Variants in CNTNAP2 observed in about 807,000 individuals in gnomAD.
CNTNAP2 encodes the protein contactin associated protein 2.
In CNTNAP2, 98 loss-of-function variants were observed where a neutral mutation model predicts 155.2. That is an observed-to-expected ratio of 0.63 (90% confidence interval 0.54 to 0.75). The LOEUF is 0.75. Among genes scored for constraint, CNTNAP2 ranks in the 30% least tolerant of loss-of-function variants. The pLI is 0.00. For synonymous variants in CNTNAP2, 651 were observed against 631.2 expected (o/e 1.03, Z -0.47); for missense variants, 1,727 against 1,688.1 (o/e 1.02, Z -0.40).
At position 147,989,684 on chromosome 7, in the gene CNTNAP2, C is replaced by T. The variant is rs1051194042; in HGVS notation, c.2383+11695C>T. ...TAATTTGGAGGTGCTGGCCACAATA[C>T]CTGATTAGAGCTCAACTGCATTTTC... On this transcript the variant is annotated intron_variant, in intron 15 of 23. Coordinates refer to ENST00000361727, the MANE Select transcript of CNTNAP2 (RefSeq NM_014141.6). Among the ~76,000 whole-genome samples, 3 of 152,180 alleles carry T rather than the reference C, an allele frequency of 2.0e-5. No homozygotes were observed. In the South Asian group the frequency reaches 6.2e-4, roughly 31 times the overall value.
At chr7:148,216,333 A>C (rs576681100) in intron 18 of CNTNAP2, among the ~76,000 whole-genome samples, 4 of 152,364 alleles carry the variant, frequency 2.6e-5, no homozygotes, top group Non-Finnish European at 5.9e-5. Context: ...TTCATAGATG[A>C]AATACCAAGG....
At chr7:146,706,934 A>G (rs896340935) in intron 1 of CNTNAP2, among the ~76,000 whole-genome samples, 1 of 150,586 alleles carries the variant, frequency 6.6e-6, no homozygotes, top group Non-Finnish European at 1.5e-5. Flanking sequence ...AAAAAAAAAA[A>G]GATTCAAAGG....
intron 21 of CNTNAP2, among the ~76,000 whole-genome samples, chr7:148,330,354 G>C (rs1797967332): frequency 1.3e-5 from 2 of 150,950 alleles, no homozygotes; most frequent in South Asian, 4.2e-4. Context: ...GGATGGAGTG[G>C]ACAGATGGAA....
chr7:148,029,702 A>G (rs1302019770), intron 15 of CNTNAP2, among the ~76,000 whole-genome samples: 5 of 152,214 alleles, frequency 3.3e-5, no homozygotes, highest in African/African-American at 1.2e-4. Context: ...ACTCGATGGT[A>G]GTCTCAGAGA....
At chr7:148,207,409 G>T (rs1795469482) in intron 18 of CNTNAP2, among the ~76,000 whole-genome samples, 1 of 152,216 alleles carries the variant, frequency 6.6e-6, no homozygotes, top group Admixed American at 6.5e-5. Context: ...GACGATGAAG[G>T]GGACCAAGAG....
chr7:147,017,062 A>T (rs967796226), intron 3 of CNTNAP2, among the ~76,000 whole-genome samples: 5 of 151,262 alleles, frequency 3.3e-5, no homozygotes, highest in Non-Finnish European at 7.4e-5. Flanking sequence ...AATGTAAAGG[A>T]TTTCCTGACT....
At chr7:148,096,020 G>A (rs186234062) in intron 15 of CNTNAP2, among the ~76,000 whole-genome samples, 4 of 152,156 alleles carry the variant, frequency 2.6e-5, no homozygotes, top group East Asian at 1.9e-4. Flanking sequence ...TTCACAGGGC[G>A]CAGAGAGTTG....
rs1220357902 is a variant in CNTNAP2 at position 147,024,377 on chromosome 7, G to C, written c.403-19530G>C. Reference sequence around the variant, plus strand: ...AAATCAGAATAAAATCTGTAGTTTAGTTAATTTTATTGTGACAATGCCAAT... The same window carrying C: ...AAATCAGAATAAAATCTGTAGTTTACTTAATTTTATTGTGACAATGCCAAT... On this transcript the variant is annotated intron_variant, in intron 3 of 23. Coordinates refer to ENST00000361727, the MANE Select transcript of CNTNAP2 (RefSeq NM_014141.6). 2.6e-5 allele frequency among the ~76,000 whole-genome samples: 4 copies of C among 152,300 alleles called. No individual in the cohort carries two copies. The East Asian group carries it at 7.7e-4, about 29-fold the overall frequency.
intron 8 of CNTNAP2, among the ~76,000 whole-genome samples, chr7:147,192,731 G>A (rs971787543): frequency 1.3e-5 from 2 of 151,752 alleles, no homozygotes; most frequent in Non-Finnish European, 2.9e-5. Context: ...TATTACATTT[G>A]TTTTCCAACT....
chr7:147,694,028 T>C (rs565696571), intron 13 of CNTNAP2, among the ~76,000 whole-genome samples: 6 of 152,168 alleles, frequency 3.9e-5, no homozygotes, highest in Admixed American at 6.5e-5. Context: ...TACTACTTTA[T>C]TGAGCATTTT....
intron 13 of CNTNAP2, among the ~76,000 whole-genome samples, chr7:147,751,635 A>G (rs1265961412): frequency 6.6e-6 from 1 of 152,260 alleles, no homozygotes; most frequent in Non-Finnish European, 1.5e-5. Flanking sequence ...CGAGCTGTCC[A>G]TTTTGTGCTA....
chr7:146,761,857 T>C (rs1455577231), intron 1 of CNTNAP2, among the ~76,000 whole-genome samples: 1 of 152,094 alleles, frequency 6.6e-6, no homozygotes, highest in Non-Finnish European at 1.5e-5. Context: ...CTCCGTGTTA[T>C]TGAAGACATG....
intron 10 of CNTNAP2, among the ~76,000 whole-genome samples, chr7:147,396,956 C>T (rs937613725): frequency 6.6e-6 from 1 of 151,966 alleles, no homozygotes; most frequent in African/African-American, 2.4e-5. Context: ...AGAGGAAATA[C>T]TTTAAGAAGT....
chr7:146,523,730 A>T (rs1797648748), intron 1 of CNTNAP2, among the ~76,000 whole-genome samples: 1 of 152,152 alleles, frequency 6.6e-6, no homozygotes, highest in African/African-American at 2.4e-5. Context: ...AAAGCTTCAG[A>T]TTATTAAAGT....
At chr7:147,636,497 A>G (rs953778821) in intron 12 of CNTNAP2, among the ~76,000 whole-genome samples, 1 of 152,116 alleles carries the variant, frequency 6.6e-6, no homozygotes, top group African/African-American at 2.4e-5. Context: ...ACATAGATAT[A>G]CATGTGCCAT....
rs768310538 is a variant in CNTNAP2, at chr7:146,494,110, G to A, written c.98-280161G>A. Among the ~76,000 whole-genome samples, 7 of 152,158 alleles carry A rather than the reference G, an allele frequency of 4.6e-5. 1 individual carries two copies. The Middle Eastern group carries it at 0.01, about 222-fold the overall frequency. ...GTACTTTTGGGAGGCCGAGGCGGGC[G>A]GATCACAAGGTCAGGAGATCGAGAC... is the stretch of plus-strand genomic sequence containing the variant. On this transcript the variant is annotated intron_variant, in intron 1 of 23. Transcript: ENST00000361727.
intron 1 of CNTNAP2, among the ~76,000 whole-genome samples, chr7:146,506,001 G>T (rs1089451): frequency 0.23 from 35,087 of 152,090 alleles, 4,323 homozygotes; most frequent in East Asian, 0.42. Flanking sequence ...CCAGTAGTTT[G>T]TGGGTTATAT....
chr7:146,508,053 T>C (rs558118786), intron 1 of CNTNAP2, among the ~76,000 whole-genome samples: 1 of 152,304 alleles, frequency 6.6e-6, no homozygotes, highest in Admixed American at 6.5e-5. Flanking sequence ...CTTTATTTAG[T>C]TCTCGAACAT....
chr7:146,655,427 A>C (rs1039974502), intron 1 of CNTNAP2, among the ~76,000 whole-genome samples: 8 of 151,340 alleles, frequency 5.3e-5, no homozygotes, highest in African/African-American at 1.9e-4. Flanking sequence ...AAAAAAAAAA[A>C]AAAAAAAGAA....
Sources: allele counts gnomAD v4.1 joint callset (sites outside exome capture counted in the v4.1 genomes callset), GRCh38; gene constraint gnomAD v4.1.1; transcripts MANE v1.5; gene names NCBI Gene and HGNC (gene_info 2026-07-23, HGNC 2026-07-21).